CNTN1: variants seen among roughly 807,000 people sequenced by gnomAD.
CNTN1 encodes the protein contactin 1, also known as contactin-1.
Under a neutral mutation model 126.4 loss-of-function variants are expected in CNTN1, and 38 were observed. That is an observed-to-expected ratio of 0.30 (90% CI 0.23 to 0.39). The LOEUF is 0.39. Ranked by LOEUF, CNTN1 falls within the 10% of genes least tolerant of loss-of-function variation. CNTN1 has a pLI of 1.00. For missense variants in CNTN1, 1,009 were observed against 1,248.4 expected (o/e 0.81, Z 2.89); for synonymous variants, 413 against 422.6 (o/e 0.98, Z 0.28).
chr12:40,806,005 CGCTGACTCTATGTGCCCTTTGCACAG>C (rs1940840265), intron 1 of CNTN1, among the ~76,000 whole-genome samples: 1 of 152,074 alleles, frequency 6.6e-6, no homozygotes, highest in South Asian at 2.1e-4. Flanking sequence ...CCCAGCTCTC[CGCTGACTCTATGTGCCCTTTGCACAG>C]ATGATATCTC....
At chr12:40,719,868 C>T (rs993184775) in intron 1 of CNTN1, among the ~76,000 whole-genome samples, 6 of 152,180 alleles carry the variant, frequency 3.9e-5, no homozygotes, top group South Asian at 2.1e-4. Flanking sequence ...GACGGAGTCT[C>T]GCTCTATTGC....
chr12:40,832,533 G>A lies in CNTN1; in HGVS notation c.-76-75824G>A, dbSNP rs1355797567. Among the ~76,000 whole-genome samples, 3 of 152,252 alleles carry A rather than the reference G, an allele frequency of 2.0e-5. No homozygotes were observed. The South Asian group carries it at 6.2e-4, about 32-fold the overall frequency. ...GTATGAAGTAGGCTAGACCATCTAG[G>A]TTTGCGTTAAGTACACTTCGTGATG... On this transcript the variant is annotated intron_variant, in intron 1 of 23. Transcript: ENST00000551295.
intron 1 of CNTN1, among the ~76,000 whole-genome samples, chr12:40,807,795 T>C (rs929515504): frequency 6.6e-6 from 1 of 152,206 alleles, no homozygotes; most frequent in Non-Finnish European, 1.5e-5. Context: ...TATTCAACCA[T>C]AGGAAAAAGG....
intron 1 of CNTN1, among the ~76,000 whole-genome samples, chr12:40,793,172 C>G (rs1447279999): frequency 1.3e-5 from 2 of 152,076 alleles, no homozygotes; most frequent in African/African-American, 4.8e-5. Context: ...GTAACAAGAC[C>G]ATCTTGCTGG....
At chr12:40,858,009 A>G (rs1489467283) in intron 1 of CNTN1, among the ~76,000 whole-genome samples, 2 of 152,194 alleles carry the variant, frequency 1.3e-5, no homozygotes, top group Non-Finnish European at 2.9e-5. Context: ...GCTTAGCTGG[A>G]TCCTCGGTTC....
Position 40,700,769 on chromosome 12 carries a change from T to G in CNTN1, c.-77+8177T>G, listed in dbSNP as rs569600713. Among the ~76,000 whole-genome samples, 631 of 152,272 alleles carry G rather than the reference T, an allele frequency of 4.1e-3. 1 individual carries two copies. The highest frequency in any genetic ancestry group is 0.01 in the Middle Eastern group (3 of 294). On this transcript the variant is annotated intron_variant, in intron 1 of 23. Transcript: ENST00000551295. ...AATTACAAACACCGAGATATAAGAT[T>G]GATTTTTAAAAATTGACTTGTGCAA... is the stretch of plus-strand genomic sequence containing the variant.
At chr12:40,922,757 G>T (rs1225195742) in intron 5 of CNTN1, among the ~76,000 whole-genome samples, 1 of 152,062 alleles carries the variant, frequency 6.6e-6, no homozygotes, top group South Asian at 2.1e-4. Flanking sequence ...TGGATCATGA[G>T]GTCAGGAGAT....
chr12:40,693,913 AAT>A (rs775484131), intron 1 of CNTN1, among the ~76,000 whole-genome samples: 26 of 151,694 alleles, frequency 1.7e-4, no homozygotes, highest in Non-Finnish European at 2.5e-4. Flanking sequence ...TCATGTTTTC[AAT>A]ATGTCATATT....
intron 1 of CNTN1, among the ~76,000 whole-genome samples, chr12:40,814,430 C>T (rs1565775436): frequency 6.6e-6 from 1 of 152,304 alleles, no homozygotes; most frequent in Non-Finnish European, 1.5e-5. Flanking sequence ...AGCCAGTTTT[C>T]CCAGCCATTT....
intron 3 of CNTN1, among the ~76,000 whole-genome samples, chr12:40,910,532 T>G (rs1341737584): frequency 6.6e-6 from 1 of 152,178 alleles, no homozygotes; most frequent in African/African-American, 2.4e-5. Context: ...ATTGCAAAAT[T>G]TATTGTTTAA....
chr12:41,003,263 T>C, intron 17 of CNTN1, among the ~76,000 whole-genome samples: 1 of 152,232 alleles, frequency 6.6e-6, no homozygotes, highest in East Asian at 1.9e-4. Context: ...TTGCATATGT[T>C]AAACAAGCCT....
At chr12:40,926,043 GC>G (rs1945675313) in intron 6 of CNTN1, among the ~76,000 whole-genome samples, 1 of 151,478 alleles carries the variant, frequency 6.6e-6, no homozygotes, top group Non-Finnish European at 1.5e-5. Context: ...CACAATGTAT[GC>G]CACAGAAATG....
chr12:40,863,519 C>T (rs1592173584), intron 1 of CNTN1, among the ~76,000 whole-genome samples: 1 of 152,238 alleles, frequency 6.6e-6, no homozygotes, highest in East Asian at 1.9e-4. Context: ...AGCAAATAAC[C>T]TCTAAGGATT....
chr12:40,957,951 T>C (rs1361687106), intron 14 of CNTN1, among the ~76,000 whole-genome samples: 1 of 152,062 alleles, frequency 6.6e-6, no homozygotes, highest in African/African-American at 2.4e-5. Flanking sequence ...AGGTTATTGG[T>C]AGAACCTATG....
intron 14 of CNTN1, among the ~76,000 whole-genome samples, chr12:40,945,558 T>C (rs571944938): frequency 1.3e-5 from 2 of 151,962 alleles, no homozygotes; most frequent in Admixed American, 6.6e-5. Flanking sequence ...GTAAATAAAT[T>C]TGCAGACAAA....
intron 3 of CNTN1, among the ~76,000 whole-genome samples, chr12:40,910,315 T>C (rs1337292854): frequency 2.0e-5 from 3 of 152,240 alleles, no homozygotes; most frequent in Non-Finnish European, 4.4e-5. Context: ...TATTAGAGGA[T>C]TGTAGCAAAT....
chr12:40,831,225 A>G (rs1024503745), intron 1 of CNTN1, among the ~76,000 whole-genome samples: 6 of 149,768 alleles, frequency 4.0e-5, no homozygotes, highest in Non-Finnish European at 8.9e-5. Flanking sequence ...AAATGTATAT[A>G]CTATATTTAC....
At chr12:40,780,086 T>C (rs1939732851) in intron 1 of CNTN1, among the ~76,000 whole-genome samples, 2 of 151,966 alleles carry the variant, frequency 1.3e-5, no homozygotes, top group African/African-American at 4.8e-5. Context: ...TTATATCCTA[T>C]TCTAGACCAT....
At chr12:40,831,080 C>CATATACTAT (rs1034565120) in intron 1 of CNTN1, among the ~76,000 whole-genome samples, 2 of 140,650 alleles carry the variant, frequency 1.4e-5, no homozygotes, top group African/African-American at 2.7e-5. Flanking sequence ...ATATACTATA[C>CATATACTAT]ATATACTATA....
Sources: allele counts gnomAD v4.1 joint callset (sites outside exome capture counted in the v4.1 genomes callset), GRCh38; gene constraint gnomAD v4.1.1; transcripts MANE v1.5; gene names NCBI Gene and HGNC (gene_info 2026-07-23, HGNC 2026-07-21).